The following F13A1 variants were observed in gnomAD, a reference collection of about 807,000 sequenced individuals.
F13A1 encodes the protein FSF, A subunit.
F13A1 carries 47 observed loss-of-function variants against 80.1 expected under a neutral mutation model. The observed-to-expected ratio is 0.59, with a 90% confidence interval of 0.46 to 0.75. The LOEUF is 0.75. Among genes scored for constraint, F13A1 ranks in the 30% least tolerant of loss-of-function variants. F13A1 has a pLI of 0.00. For synonymous variants in F13A1, 349 were observed against 344.9 expected (o/e 1.01, Z -0.13); for missense variants, 817 against 930.4 (o/e 0.88, Z 1.59).
At chr6:6,302,584 T>A (rs1319570782) in intron 3 of F13A1, among the ~76,000 whole-genome samples, 2 of 152,192 alleles carry the variant, frequency 1.3e-5, no homozygotes, top group African/African-American at 2.4e-5. Flanking sequence ...TTACCATGAA[T>A]GGAACGTGCA....
At chr6:6,207,248 T>A (rs1454263087) in intron 8 of F13A1, among the ~76,000 whole-genome samples, 3 of 151,722 alleles carry the variant, frequency 2.0e-5, no homozygotes, top group Non-Finnish European at 4.4e-5. Flanking sequence ...AGAAAATGAG[T>A]TTTGAACACT....
intron 6 of F13A1, among the ~76,000 whole-genome samples, chr6:6,228,727 G>A (rs1319096513): frequency 2.3e-5 from 2 of 86,070 alleles, no homozygotes; most frequent in African/African-American, 1.2e-4. Flanking sequence ...GTGAGATCCT[G>A]TCTCAAAAAA....
chr6:6,269,927 T>C (rs1244515901), intron 3 of F13A1, among the ~76,000 whole-genome samples: 2 of 152,162 alleles, frequency 1.3e-5, no homozygotes, highest in Admixed American at 1.3e-4. Flanking sequence ...TTAGCCAGGA[T>C]GGTCTTGATC....
rs190807608 is a variant in F13A1 at position 6,275,414 on chromosome 6, G to C, written c.320-8605C>G. On this transcript the variant is annotated intron_variant, in intron 3 of 14. Coordinates refer to ENST00000264870, the MANE Select transcript of F13A1 (RefSeq NM_000129.4). ...AGACGGAGTCTTGCTCTGTTGCCCA[G>C]GCTGGAGTGCAGGGGTGCCATCTCA... is the stretch of plus-strand genomic sequence containing the variant. 3.3e-5 allele frequency among the ~76,000 whole-genome samples: 5 copies of C among 152,156 alleles called. No individual in the cohort carries two copies. The East Asian group carries it at 9.7e-4, about 29-fold the overall frequency.
intron 3 of F13A1, among the ~76,000 whole-genome samples, chr6:6,296,731 C>A (rs1295600881): frequency 4.0e-4 from 58 of 145,418 alleles, no homozygotes; most frequent in Non-Finnish European, 7.2e-4. Flanking sequence ...AATTGAATAC[C>A]CTTTATTTCC....
chr6:6,151,428 T>C (rs890578620), intron 14 of F13A1, among the ~76,000 whole-genome samples: 6 of 152,166 alleles, frequency 3.9e-5, no homozygotes, highest in African/African-American at 1.2e-4. Context: ...GAAGAGACCA[T>C]ACGTGAGTAG....
chr6:6,216,229 A>T (rs1757085927), intron 8 of F13A1, among the ~76,000 whole-genome samples: 1 of 152,114 alleles, frequency 6.6e-6, no homozygotes, highest in South Asian at 2.1e-4. Context: ...GTCAATCCTA[A>T]GCCAAAAGAA....
intron 9 of F13A1, among the ~76,000 whole-genome samples, 191 bp from the exon 10 acceptor site, chr6:6,196,076 C>G (rs1210314852): frequency 1.3e-5 from 2 of 152,192 alleles, no homozygotes; most frequent in African/African-American, 4.8e-5. Flanking sequence ...AAAATTGAAG[C>G]CATGGAAATA....
At chr6:6,225,632 C>T (rs978122878) in intron 6 of F13A1, among the ~76,000 whole-genome samples, 11 of 152,092 alleles carry the variant, frequency 7.2e-5, no homozygotes, top group East Asian at 1.9e-4. Context: ...TTCAGGCTCC[C>T]GAGTAGCTAG....
chr6:6,145,430 C>T lies in F13A1; in HGVS notation c.*189G>A. On this transcript the variant is annotated 3_prime_UTR_variant, in exon 15 of 15. Coordinates refer to ENST00000264870, the MANE Select transcript of F13A1 (RefSeq NM_000129.4). ...AGGTGGAGAGATTAAAAACTAACTT[C>T]CTTGCCGAATAGCCTGGGTTTGGAA... 1.4e-6 allele frequency: 1 copy of T among 697,974 alleles called. No individual in the cohort carries two copies. Among genetic ancestry groups the T allele is most frequent in the Non-Finnish European group, 2.5e-6 (1 of 402,168 alleles). 43.2% of individuals were successfully genotyped at this position (697,974 alleles called of 1,614,324 possible).
chr6:6,248,117 C>G (rs777626775), intron 6 of F13A1, among the ~76,000 whole-genome samples, 195 bp downstream of exon 6: 1 of 152,116 alleles, frequency 6.6e-6, no homozygotes, highest in Non-Finnish European at 1.5e-5. Flanking sequence ...AGTATTGAGA[C>G]GATAATTTTG....
chr6:6,151,435 G>T (rs1237602827), intron 14 of F13A1, among the ~76,000 whole-genome samples: 1 of 152,198 alleles, frequency 6.6e-6, no homozygotes, highest in Non-Finnish European at 1.5e-5. Flanking sequence ...CCATACGTGA[G>T]TAGGTAGTAC....
chr6:6,280,724 C>T (rs898880205), intron 3 of F13A1, among the ~76,000 whole-genome samples: 1 of 152,160 alleles, frequency 6.6e-6, no homozygotes, highest in Non-Finnish European at 1.5e-5. Flanking sequence ...TTTTTAAGGC[C>T]TTAGAATATA....
intron 3 of F13A1, among the ~76,000 whole-genome samples, chr6:6,273,342 C>A (rs895097793): frequency 6.6e-6 from 1 of 152,158 alleles, no homozygotes. Flanking sequence ...AAATGGCAAG[C>A]CCCACTAAGA....
At chr6:6,268,358 G>C (rs1213883086) in intron 3 of F13A1, among the ~76,000 whole-genome samples, 1 of 152,154 alleles carries the variant, frequency 6.6e-6, no homozygotes, top group East Asian at 1.9e-4. Flanking sequence ...AGGAAACTAA[G>C]AGTCATTAAG....
At chr6:6,239,629 T>A (rs916390593) in intron 6 of F13A1, among the ~76,000 whole-genome samples, 4 of 148,302 alleles carry the variant, frequency 2.7e-5, no homozygotes, top group African/African-American at 1.1e-4. Flanking sequence ...ATTAACCTTG[T>A]CTCTCTCAGT....
chr6:6,312,345 A>G (rs919675539), intron 2 of F13A1, among the ~76,000 whole-genome samples: 4 of 151,958 alleles, frequency 2.6e-5, no homozygotes, highest in Non-Finnish European at 4.4e-5. Flanking sequence ...TAAGGCAGTG[A>G]TAAGTAAAAC....
At chr6:6,302,261 A>G (rs1758443717) in intron 3 of F13A1, among the ~76,000 whole-genome samples, 1 of 152,200 alleles carries the variant, frequency 6.6e-6, no homozygotes. Flanking sequence ...TGTGGTCCAG[A>G]GCTTCAAACG....
chr6:6,315,542 T>C (rs1245326272), intron 2 of F13A1, among the ~76,000 whole-genome samples: 2 of 152,210 alleles, frequency 1.3e-5, no homozygotes, highest in East Asian at 3.8e-4. Flanking sequence ...TAACCAAATG[T>C]TACCAAAGCC....
Sources: gnomAD v4.1 joint callset for allele counts (sites outside exome capture counted in the v4.1 genomes callset) on GRCh38, gnomAD v4.1.1 for gene constraint, MANE v1.5 for transcripts, NCBI Gene and HGNC (gene_info 2026-07-23, HGNC 2026-07-21) for gene names.